PTPRS: variants seen among roughly 807,000 people sequenced by gnomAD.
PTPRS encodes protein tyrosine phosphatase receptor type S.
A neutral mutation model predicts 215.3 loss-of-function variants in PTPRS; 63 were observed. The ratio of observed to expected loss-of-function variants is 0.29; its 90% CI spans 0.24 to 0.36. The LOEUF is 0.36. Ranked by LOEUF, PTPRS falls within the 10% of genes least tolerant of loss-of-function variation. PTPRS has a pLI of 1.00. For synonymous variants in PTPRS, 1,404 were observed against 1,191.4 expected (o/e 1.18, Z -3.68); for missense variants, 2,258 against 2,825.8 (o/e 0.80, Z 4.56).
chr19:5,246,918 C>T (rs1328630740), intron 9 of PTPRS, among the ~76,000 whole-genome samples: 3 of 150,578 alleles, frequency 2.0e-5, no homozygotes, highest in African/African-American at 7.3e-5. Flanking sequence ...AGAGAGCGAG[C>T]GAGAGACAGA....
At chr19:5,317,868 T>C (rs1453008968) in intron 1 of PTPRS, among the ~76,000 whole-genome samples, 1 of 151,780 alleles carries the variant, frequency 6.6e-6, no homozygotes, top group African/African-American at 2.4e-5. Context: ...AAACCCCGTC[T>C]CCATTAAAAA....
chr19:5,293,954 C>A lies in PTPRS; in HGVS notation c.-94-7720G>T, dbSNP rs1239933460. Among the ~76,000 whole-genome samples the A allele has an allele frequency of 6.6e-6, 1 of 152,170 alleles. No individual in the cohort carries two copies. The highest frequency in any genetic ancestry group is 2.4e-5 in the African/African-American group (1 of 41,438). Reference sequence around the variant, plus strand: ...AGGAGGAGGGAGAGGGAGGGGCAGACCTGTCCGGGCGGCCAATCCGAGCCA... The same window carrying A: ...AGGAGGAGGGAGAGGGAGGGGCAGAACTGTCCGGGCGGCCAATCCGAGCCA... On this transcript the variant is annotated intron_variant, in intron 1 of 37. Transcript: ENST00000262963. This position sits in a 1 kb window ranked among gnomAD's most constrained non-coding sequence, Gnocchi z 8.4.
chr19:5,299,943 G>A (rs1453084217), intron 1 of PTPRS, among the ~76,000 whole-genome samples: 1 of 151,722 alleles, frequency 6.6e-6, no homozygotes, highest in Non-Finnish European at 1.5e-5. Flanking sequence ...AAACTTAAAT[G>A]AAGAAAAATT....
intron 1 of PTPRS, among the ~76,000 whole-genome samples, chr19:5,306,202 C>T (rs926547804): frequency 2.0e-5 from 3 of 149,702 alleles, no homozygotes; most frequent in Non-Finnish European, 3.0e-5. Flanking sequence ...TGGAGTACAG[C>T]GGCACAATCT....
At chr19:5,260,922 A>T (rs7246162) in intron 6 of PTPRS, 100 bp from the exon 7 acceptor site, 989,596 of 1,389,858 alleles carry the variant, frequency 0.71, 360,084 homozygotes, top group East Asian at 0.82. Flanking sequence ...GCCAGGCCTC[A>T]GCACTCTGCC....
Position 5,231,434 on chromosome 19 carries a change from G to C in PTPRS, c.2031C>G (p.Thr677=), listed in dbSNP as rs763379416. The change falls in exon 14 of 38, where the codon ACC becomes ACG. Residue 677 remains threonine, a synonymous_variant. Transcript: ENST00000262963. ...AGGCCTCCAGCAGGATCTGAGTGGT[G>C]GTCGGGGGGATGCCGTTCACCTCCT... The part of the protein sequence containing the change: ...EPKEVNGIPP[T]TTQILLEALE... 30 of 1,613,062 alleles carry C rather than the reference G, an allele frequency of 1.9e-5. No homozygotes were observed. In the South Asian group the frequency reaches 3.3e-4, roughly 18 times the overall value.
intron 22 of PTPRS, 82 bp from the exon 23 acceptor site, chr19:5,219,549 C>T (rs551014854): frequency 1.2e-4 from 176 of 1,452,542 alleles, no homozygotes; most frequent in Middle Eastern, 1.0e-3. Context: ...CATGAACCTA[C>T]GTTTCTCCCC....
intron 2 of PTPRS, among the ~76,000 whole-genome samples, chr19:5,283,267 ACTTTCTCCT>A (rs2048026566): frequency 2.0e-5 from 1 of 49,512 alleles, no homozygotes; most frequent in African/African-American, 7.0e-5. Flanking sequence ...TAACCCCAGC[ACTTTCTCCT>A]GTCACCCCAG....
chr19:5,222,914 C>A lies in PTPRS; in HGVS notation c.2878G>T (p.Gly960Trp). ...GCCACCGTGTATTTGACGATGGCCC[C>A]GTTGCGCTCGGCGGGCACGGGTGGC... ...WLPPVPAERN[G>W]AIVKYTVAVR... The change falls in exon 18 of 38, where the codon GGG (glycine) becomes TGG (tryptophan). Residue 960 changes from glycine to tryptophan, a missense_variant. Transcript: ENST00000262963. The A allele has an allele frequency of 6.4e-7, 1 of 1,568,068 alleles. No homozygotes were observed. Among genetic ancestry groups the A allele is most frequent in the East Asian group, 2.3e-5 (1 of 42,602 alleles).
intron 1 of PTPRS, among the ~76,000 whole-genome samples, chr19:5,324,849 T>TCA: frequency 6.6e-6 from 1 of 152,226 alleles, no homozygotes; most frequent in South Asian, 2.1e-4. Context: ...ATCCCCATCC[T>TCA]CACACTGTTT....
chr19:5,319,737 G>A (rs55981334), intron 1 of PTPRS, among the ~76,000 whole-genome samples: 15,868 of 151,704 alleles, frequency 0.1, 873 homozygotes, highest in African/African-American at 0.11. Flanking sequence ...CTTGGCACAC[G>A]CTGTGCCGTC....
chr19:5,315,499 G>A (rs534329903), intron 1 of PTPRS, among the ~76,000 whole-genome samples: 3 of 151,570 alleles, frequency 2.0e-5, no homozygotes, highest in Admixed American at 6.6e-5. Flanking sequence ...GAGTAGCTGT[G>A]GCCACAGGTG....
chr19:5,220,030 T>C lies in PTPRS; in HGVS notation c.3674A>G (p.Gln1225Arg), dbSNP rs746169857. ...VLPPTFHPGD[Q>R]KQYGGFDNRG... The stretch of plus-strand genomic sequence containing the variant: ...GTTATCGAAGCCGCCATACTGCTTC[T>C]GGTCGCCGGGATGGAACGTGGGTGG... The change falls in exon 22 of 38, where the codon CAG becomes CGG. Residue 1225 changes from glutamine to arginine, a missense_variant. By Grantham distance (43) the Gln-to-Arg change is conservative. Coordinates refer to ENST00000262963, the MANE Select transcript of PTPRS (RefSeq NM_002850.4). 1.2e-6 allele frequency: 2 copies of C among 1,614,082 alleles called. No individual in the cohort carries two copies. Among genetic ancestry groups the C allele is most frequent in the Admixed American group, 3.3e-5 (2 of 60,026 alleles).
At chr19:5,262,414 C>G (rs2046071672) in intron 6 of PTPRS, among the ~76,000 whole-genome samples, 1 of 152,182 alleles carries the variant, frequency 6.6e-6, no homozygotes, top group Non-Finnish European at 1.5e-5. Flanking sequence ...AGGCTGATAT[C>G]AGTCACTCTC....
chr19:5,268,976 G>A (rs903126877), intron 4 of PTPRS, among the ~76,000 whole-genome samples: 2 of 152,210 alleles, frequency 1.3e-5, no homozygotes, highest in Admixed American at 6.5e-5. Flanking sequence ...GGACCTGGAC[G>A]ACCTTGAAAG....
intron 9 of PTPRS, among the ~76,000 whole-genome samples, chr19:5,254,979 C>T (rs2045438248): frequency 6.6e-6 from 1 of 152,238 alleles, no homozygotes; most frequent in Non-Finnish European, 1.5e-5. Flanking sequence ...TCATTTAAAA[C>T]TGACCATAAT....
chr19:5,320,721 C>T (rs149164944), intron 1 of PTPRS, among the ~76,000 whole-genome samples: 4 of 152,210 alleles, frequency 2.6e-5, no homozygotes, highest in Non-Finnish European at 4.4e-5. Flanking sequence ...CCACCACGTC[C>T]GGCCTGGATT....
chr19:5,280,528 G>A (rs1474659666), intron 2 of PTPRS, among the ~76,000 whole-genome samples: 2 of 152,030 alleles, frequency 1.3e-5, no homozygotes, highest in African/African-American at 4.8e-5. Flanking sequence ...GGACCAGCCT[G>A]GCCAACATGA....
chr19:5,216,304 C>T (rs1157217025), intron 26 of PTPRS, among the ~76,000 whole-genome samples: 5 of 152,118 alleles, frequency 3.3e-5, no homozygotes, highest in Non-Finnish European at 7.4e-5. Flanking sequence ...GTCTGCAGAA[C>T]CCTGACCTCT....
Sources: allele counts gnomAD v4.1 joint callset (sites outside exome capture counted in the v4.1 genomes callset), GRCh38; gene constraint gnomAD v4.1.1; non-coding constraint Gnocchi (gnomAD v3.1); transcripts MANE v1.5; gene names NCBI Gene and HGNC (gene_info 2026-07-23, HGNC 2026-07-21).